MIA2: variants seen among roughly 807,000 people sequenced by gnomAD.
MIA2 encodes the protein melanoma inhibitory activity protein 2.
MIA2 carries 127 observed loss-of-function variants against 167.8 expected under a neutral mutation model. That is an observed-to-expected ratio of 0.76 (90% confidence interval 0.66 to 0.88). The LOEUF is 0.88. Ranked by LOEUF, MIA2 falls within the 40% of genes least tolerant of loss-of-function variation. The pLI is 0.00. For missense variants in MIA2, 1,690 were observed against 1,624.7 expected (o/e 1.04, Z -0.69); for synonymous variants, 552 against 541.9 (o/e 1.02, Z -0.26).
chr14:39,294,358 C>T (rs371036941), intron 12 of MIA2, among the ~76,000 whole-genome samples: 304 of 152,126 alleles, frequency 2.0e-3, no homozygotes, highest in African/African-American at 6.6e-3. Context: ...CCACCACACC[C>T]GGCTAAGTTT....
At chr14:39,265,490 T>G in intron 6 of MIA2, 1 of 1,241,194 alleles carries the variant, frequency 8.1e-7, no homozygotes, top group Non-Finnish European at 1.2e-6. Flanking sequence ...TTTGTTAAGC[T>G]TTACTGTGTT....
At chr14:39,284,952 C>G (rs2059415864) in intron 9 of MIA2, among the ~76,000 whole-genome samples, 1 of 152,056 alleles carries the variant, frequency 6.6e-6, no homozygotes, top group Non-Finnish European at 1.5e-5. Flanking sequence ...GGTGATGACT[C>G]TTAACGAGCA....
chr14:39,368,494 T>A (rs1313638043), intron 23 of MIA2, among the ~76,000 whole-genome samples: 1 of 152,130 alleles, frequency 6.6e-6, no homozygotes, highest in Non-Finnish European at 1.5e-5. Context: ...AGAGCTGTAC[T>A]CCTCATAGCA....
chr14:39,357,116 T>G (rs2074549132), intron 23 of MIA2, among the ~76,000 whole-genome samples: 1 of 152,178 alleles, frequency 6.6e-6, no homozygotes, highest in African/African-American at 2.4e-5. Context: ...TTGTTAACTT[T>G]CTGTCTCGTT....
chr14:39,281,162 C>T (rs1382444092), intron 9 of MIA2, among the ~76,000 whole-genome samples: 1 of 151,982 alleles, frequency 6.6e-6, no homozygotes, highest in Admixed American at 6.6e-5. Flanking sequence ...TGGGTTCAAG[C>T]AATCCTCCCG....
chr14:39,291,058 A>G lies in MIA2; in HGVS notation c.2170A>G (p.Ser724Gly), dbSNP rs554609385. 1 of 1,607,576 alleles carries G rather than the reference A, an allele frequency of 6.2e-7. No individual in the cohort carries two copies. Among genetic ancestry groups the G allele is most frequent in the Non-Finnish European group, 8.5e-7 (1 of 1,177,926 alleles). The change falls in exon 10 of 29, where the codon AGC (serine) becomes GGC (glycine). Residue 724 changes from serine to glycine, a missense_variant. Ser to Gly is a moderately conservative substitution (Grantham distance 56, BLOSUM62 0). Coordinates refer to ENST00000640607, the MANE Select transcript of MIA2 (RefSeq NM_001329214.4). Reference sequence around the variant, plus strand: ...AGTAGAGTCATCTTTAAAGGATGCCAGCTTTGAGAAGGAGGCAACAGAAGC... The same window carrying G: ...AGTAGAGTCATCTTTAAAGGATGCCGGCTTTGAGAAGGAGGCAACAGAAGC... Reference protein sequence around the residue: ...YEVESSLKDASFEKEATEAQS... With the variant: ...YEVESSLKDAGFEKEATEAQS...
chr14:39,251,739 A>C (rs367565013), intron 4 of MIA2, among the ~76,000 whole-genome samples: 2 of 152,116 alleles, frequency 1.3e-5, no homozygotes, highest in Non-Finnish European at 2.9e-5. Flanking sequence ...TGTTTGCTCA[A>C]TTGGGACTTT....
rs2074233915 is a variant in MIA2, at chr14:39,350,184, A to G, written c.4159A>G (p.Arg1387Gly). Reference sequence around the variant, plus strand: ...CCCCCCACCCCCACATTCTGAAGGTAGAAGTGAGTTCCCCTCAGGTTTGAT... The same window carrying G: ...CCCCCCACCCCCACATTCTGAAGGTGGAAGTGAGTTCCCCTCAGGTTTGAT... Reference protein sequence around the residue: ...FFPPPPHSEGRSEFPSGLIPP... With the variant: ...FFPPPPHSEGGSEFPSGLIPP... The change falls in exon 29 of 29, where the codon AGA becomes GGA. Residue 1387 changes from arginine (R) to glycine (G), a missense_variant. Transcript: ENST00000640607. 2 of 1,475,182 alleles carry G rather than the reference A, an allele frequency of 1.4e-6. No individual in the cohort carries two copies. The highest frequency in any genetic ancestry group is 9.2e-7 in the Non-Finnish European group (1 of 1,085,786). 91.4% of individuals were successfully genotyped at this position (1,475,182 alleles called of 1,614,324 possible).
chr14:39,264,641 C>A (rs1202740677), intron 6 of MIA2, among the ~76,000 whole-genome samples: 1 of 152,178 alleles, frequency 6.6e-6, no homozygotes, highest in African/African-American at 2.4e-5. Flanking sequence ...GTTCCTGATT[C>A]AATATGTTCT....
downstream of MIA2, among the ~76,000 whole-genome samples, chr14:39,351,625 A>G (rs1195501410): frequency 6.6e-6 from 1 of 152,114 alleles, no homozygotes; most frequent in East Asian, 1.9e-4. Flanking sequence ...GTGCCCTTAT[A>G]AAAGAGGCTC....
At chr14:39,269,121 C>T (rs1339042405) in intron 6 of MIA2, 11 of 876,376 alleles carry the variant, frequency 1.3e-5, no homozygotes, top group Non-Finnish European at 1.3e-5. Flanking sequence ...GTACCCTGGC[C>T]TGGGGGCTAG....
Position 39,319,204 on chromosome 14 carries a change from T to C in MIA2, c.3285-5T>C. 6.6e-7 allele frequency: 1 copy of C among 1,524,330 alleles called. No individual in the cohort carries two copies. Among genetic ancestry groups the C allele is most frequent in the South Asian group, 1.3e-5 (1 of 78,168 alleles). The allele number at this position is 1,524,330 out of a possible 1,614,324, so 94.4% of individuals were successfully genotyped here. A position where few individuals can be genotyped will look rare whatever the true frequency, so the allele number is the denominator to read the frequency against. ...AACTTAGAGATGTTTGTTCTTTATT[T>C]GCAGATTAACTGAAACAGAGCTTAA... On this transcript the variant is annotated splice_region_variant and splice_polypyrimidine_tract_variant and intron_variant, in intron 22 of 28. Transcript: ENST00000640607.
At chr14:39,294,185 T>TA (rs1259796196) in intron 12 of MIA2, 114 bp downstream of exon 12, 1 of 675,792 alleles carries the variant, frequency 1.5e-6, no homozygotes, top group African/African-American at 2.1e-5. Flanking sequence ...GGATCCCAGA[T>TA]ATGTATTTTT....
chr14:39,272,699 G>A (rs1338706872), intron 6 of MIA2, among the ~76,000 whole-genome samples: 1 of 152,146 alleles, frequency 6.6e-6, no homozygotes. Flanking sequence ...GGAGGGCAAG[G>A]CTGCAGTGAG....
chr14:39,252,722 A>C (rs752825050), intron 4 of MIA2, 26 bp from the exon 5 acceptor site: 2 of 1,565,832 alleles, frequency 1.3e-6, no homozygotes, highest in Non-Finnish European at 1.7e-6. Flanking sequence ...TTTTGGAAAA[A>C]CACATTTCTT....
At chr14:39,276,445 C>CT (rs2058015041) in intron 6 of MIA2, 1 of 154,704 alleles carries the variant, frequency 6.5e-6, no homozygotes, top group Admixed American at 6.5e-5. Flanking sequence ...ACCCAAATCT[C>CT]TATCAGTGGT....
chr14:39,310,077 T>A (rs2063969646), intron 18 of MIA2, among the ~76,000 whole-genome samples: 1 of 152,178 alleles, frequency 6.6e-6, no homozygotes, highest in African/African-American at 2.4e-5. Context: ...ACTTACTAGC[T>A]AAAATTTATT....
intron 25 of MIA2, among the ~76,000 whole-genome samples, chr14:39,331,024 G>C (rs1377006472): frequency 6.6e-6 from 1 of 152,156 alleles, no homozygotes; most frequent in Non-Finnish European, 1.5e-5. Context: ...TTAATTTTCT[G>C]TCTCGTTGAT....
At chr14:39,269,267 G>A (rs2056688856) in intron 6 of MIA2, among the ~76,000 whole-genome samples, 1 of 151,314 alleles carries the variant, frequency 6.6e-6, no homozygotes, top group Non-Finnish European at 1.5e-5. Flanking sequence ...AATTCACTAT[G>A]TTATGCAACT....
Sources: gnomAD v4.1 joint callset for allele counts (sites outside exome capture counted in the v4.1 genomes callset) on GRCh38, gnomAD v4.1.1 for gene constraint, MANE v1.5 for transcripts, NCBI Gene and HGNC (gene_info 2026-07-23, HGNC 2026-07-21) for gene names.